PDE9A: variants seen among roughly 807,000 people sequenced by gnomAD.
The protein encoded by PDE9A is high affinity cGMP-specific 3',5'-cyclic phosphodiesterase 9A.
PDE9A carries 60 observed loss-of-function variants against 87.4 expected under a neutral mutation model. The observed-to-expected ratio is 0.69, with a 90% CI of 0.56 to 0.85. The LOEUF (loss-of-function observed/expected upper bound fraction) is 0.85. PDE9A is among the 40% of genes least tolerant of loss of function. The pLI, the probability that PDE9A is intolerant of heterozygous loss-of-function variation, is 0.00. For synonymous variants in PDE9A, 272 were observed against 279.4 expected, an observed-to-expected ratio of 0.97 and a Z score of 0.27; for missense variants, 665 against 779.0, an observed-to-expected ratio of 0.85 and a Z score of 1.74.
intron 7 of PDE9A, among the ~76,000 whole-genome samples, chr21:42,737,113 G>T (rs1396102908): frequency 6.6e-6 from 1 of 152,252 alleles, no homozygotes; most frequent in Non-Finnish European, 1.5e-5. Context: ...CAGCTTCTCA[G>T]AAGGTCAGTC....
intron 10 of PDE9A, chr21:42,758,735 C>T (rs1046536731): frequency 3.4e-5 from 14 of 414,006 alleles, no homozygotes; most frequent in Admixed American, 7.9e-5. Context: ...TGGCCCTCCA[C>T]GCCCCAGGAT....
chr21:42,707,625 C>A (rs1401260342), intron 4 of PDE9A, among the ~76,000 whole-genome samples: 1 of 152,112 alleles, frequency 6.6e-6, no homozygotes, highest in Non-Finnish European at 1.5e-5. Context: ...CACCACTAGC[C>A]CCCAGCTCCT....
At chr21:42,665,185 T>C (rs573315349) in intron 1 of PDE9A, among the ~76,000 whole-genome samples, 1 of 152,284 alleles carries the variant, frequency 6.6e-6, no homozygotes, top group African/African-American at 2.4e-5. Flanking sequence ...GGGCAGCCCC[T>C]AGAAGCTGGA....
chr21:42,772,980 C>G (rs893315171), intron 19 of PDE9A, among the ~76,000 whole-genome samples: 1 of 150,994 alleles, frequency 6.6e-6, no homozygotes, highest in African/African-American at 2.4e-5. Context: ...GAATTAGGCT[C>G]TTAAGGCTGG....
chr21:42,707,076 T>C (rs987154361), intron 4 of PDE9A, among the ~76,000 whole-genome samples: 8 of 152,236 alleles, frequency 5.3e-5, no homozygotes, highest in African/African-American at 1.9e-4. Flanking sequence ...AAGGCTCTTG[T>C]GAATGATGCT....
At position 42,704,031 on chromosome 21, in the gene PDE9A, G is replaced by A. The variant is rs2048601024; in HGVS notation, c.262+5020G>A. On this transcript the variant is annotated intron_variant, in intron 4 of 19. Transcript: ENST00000291539. This position sits in a 1 kb window ranked among gnomAD's most constrained non-coding sequence, Gnocchi z 5.3. ...GGCTGTGATCTCGAGAAGGTGGTCAGGGCCCAGGCTCCCGCCAGCCCTCAC... is the reference window on the plus strand; with the variant it reads ...GGCTGTGATCTCGAGAAGGTGGTCAAGGCCCAGGCTCCCGCCAGCCCTCAC... 6.6e-6 allele frequency among the ~76,000 whole-genome samples: 1 copy of A among 152,192 alleles called. No homozygotes were observed. Among genetic ancestry groups the A allele is most frequent in the Non-Finnish European group, 1.5e-5 (1 of 68,026 alleles).
rs530653177 is a variant in PDE9A, at chr21:42,715,670, T to C, written c.263-16100T>C. ...ATTGGTTACAATCAGTGAACCAACA[T>C]TGACATATCCTTATCAGCCAAAGTC... On this transcript the variant is annotated intron_variant, in intron 4 of 19. Coordinates refer to ENST00000291539, the MANE Select transcript of PDE9A (RefSeq NM_002606.3). 4.0e-5 allele frequency among the ~76,000 whole-genome samples: 6 copies of C among 151,832 alleles called. No homozygotes were observed. In the East Asian group the frequency reaches 5.8e-4, roughly 15 times the overall value.
chr21:42,769,567 CA>C (rs2056789216), intron 17 of PDE9A, among the ~76,000 whole-genome samples: 1 of 134,612 alleles, frequency 7.4e-6, no homozygotes, highest in East Asian at 2.2e-4. Flanking sequence ...GGCACACACA[CA>C]CACACACATG....
rs141461549 is a variant in PDE9A at position 42,718,595 on chromosome 21, A to G, written c.263-13175A>G. ...AGTTTTTTTTTGTTTAGGATATTAT[A>G]TTTTAAAATTCTAAAATTTGCACTT... is the stretch of plus-strand genomic sequence containing the variant. On this transcript the variant is annotated intron_variant, in intron 4 of 19. Transcript: ENST00000291539. Among the ~76,000 whole-genome samples the G allele has an allele frequency of 7.5e-4, 113 of 151,316 alleles. 1 individual carries two copies. The highest frequency in any genetic ancestry group is 1.9e-3 in the South Asian group (9 of 4,700).
rs1015480148 is a variant in PDE9A at position 42,739,625 on chromosome 21, T to C, written c.569-4151T>C. ...AAACTTAATTGCCACAAATTCTGCA[T>C]CTCTGGGATGCAAACTAGTGAAGCT... On this transcript the variant is annotated intron_variant, in intron 7 of 19. Coordinates refer to ENST00000291539, the MANE Select transcript of PDE9A (RefSeq NM_002606.3). This position sits in a 1 kb window ranked among gnomAD's most constrained non-coding sequence, Gnocchi z 4.1. 2.0e-5 allele frequency among the ~76,000 whole-genome samples: 3 copies of C among 152,186 alleles called. No homozygotes were observed. The highest frequency in any genetic ancestry group is 6.5e-5 in the Admixed American group (1 of 15,268).
Position 42,775,323 on chromosome 21 carries a change from G to C in PDE9A, c.*30G>C. ...AGCGGGGGGCGTGGCTGCAGTTCTG[G>C]ACGGGCTGGCCGAGCTGCGCGGGAT... On this transcript the variant is annotated 3_prime_UTR_variant, in exon 20 of 20. Coordinates refer to ENST00000291539, the MANE Select transcript of PDE9A (RefSeq NM_002606.3). 1 of 1,607,382 alleles carries C rather than the reference G, an allele frequency of 6.2e-7. No individual in the cohort carries two copies. The highest frequency in any genetic ancestry group is 1.1e-5 in the South Asian group (1 of 89,760).
intron 17 of PDE9A, among the ~76,000 whole-genome samples, chr21:42,769,430 G>GCA (rs1453231175): frequency 8.1e-6 from 1 of 123,584 alleles, no homozygotes; most frequent in Admixed American, 8.5e-5. Context: ...ACACACTCGT[G>GCA]CACACACATG....
chr21:42,715,504 G>A (rs538262969), intron 4 of PDE9A, among the ~76,000 whole-genome samples: 1 of 149,956 alleles, frequency 6.7e-6, no homozygotes, highest in East Asian at 1.9e-4. Context: ...GCGCACACCT[G>A]TAATGCCAAC....
chr21:42,769,284 G>A (rs2056693324), intron 17 of PDE9A, 129 bp downstream of exon 17: 2 of 784,202 alleles, frequency 2.6e-6, no homozygotes, highest in East Asian at 2.8e-5. Flanking sequence ...CACGTACACA[G>A]ATACACACAG....
Position 42,739,574 on chromosome 21 carries a change from A to T in PDE9A, c.569-4202A>T, listed in dbSNP as rs142594768. ...TTTGCAATGTTGTTACTCACTATCC[A>T]TCTACTTGGCCAACAGCCTCTTCAT... On this transcript the variant is annotated intron_variant, in intron 7 of 19. Transcript: ENST00000291539. The surrounding 1 kb of genome is among the most constrained non-coding windows in gnomAD (Gnocchi z 4.1). Among the ~76,000 whole-genome samples, 239 of 152,346 alleles carry T rather than the reference A, an allele frequency of 1.6e-3. 1 individual carries two copies. Among genetic ancestry groups the T allele is most frequent in the Admixed American group, 2.5e-3 (39 of 15,302 alleles).
chr21:42,686,042 T>G, intron 1 of PDE9A, 150 bp from the exon 2 acceptor site: 3 of 610,232 alleles, frequency 4.9e-6, no homozygotes, highest in East Asian at 5.7e-5. Flanking sequence ...AATGAAAAGA[T>G]GAGCCTGTGA....
At chr21:42,682,188 A>C (rs1244355939) in intron 1 of PDE9A, among the ~76,000 whole-genome samples, 1 of 152,250 alleles carries the variant, frequency 6.6e-6, no homozygotes. Flanking sequence ...TGATGAATCG[A>C]ATGGGAACTG....
chr21:42,687,642 C>G (rs557739179), intron 2 of PDE9A, among the ~76,000 whole-genome samples: 2 of 152,194 alleles, frequency 1.3e-5, no homozygotes, highest in Non-Finnish European at 2.9e-5. Flanking sequence ...AAAAAAATCT[C>G]CCAACTCAAT....
In PDE9A at chr21:42,736,519, C is replaced by T. The variant is rs534709615; in HGVS notation, c.568+3093C>T. 2.6e-5 allele frequency among the ~76,000 whole-genome samples: 4 copies of T among 152,282 alleles called. No homozygotes were observed. In the South Asian group the frequency reaches 6.2e-4, roughly 24 times the overall value. On this transcript the variant is annotated intron_variant, in intron 7 of 19. Coordinates refer to ENST00000291539, the MANE Select transcript of PDE9A (RefSeq NM_002606.3). ...GAAAAGGACACCGCTCTTGACCCAC[C>T]GAGCTCAGGCTCACTGCACTGACCA...
Sources: gnomAD v4.1 joint callset for allele counts (sites outside exome capture counted in the v4.1 genomes callset) on GRCh38, gnomAD v4.1.1 for gene constraint, Gnocchi (gnomAD v3.1) non-coding constraint, MANE v1.5 for transcripts, NCBI Gene and HGNC (gene_info 2026-07-23, HGNC 2026-07-21) for gene names.